VWA2: variants seen among roughly 807,000 people sequenced by gnomAD.
VWA2 encodes the protein von Willebrand factor A domain-containing protein 2.
In VWA2, 73 loss-of-function variants were observed where a neutral mutation model predicts 70.4. That is an observed-to-expected ratio of 1.04 (90% confidence interval 0.86 to 1.26). The LOEUF (loss-of-function observed/expected upper bound fraction) is 1.26, where lower values mean the gene tolerates loss of function less well. Among genes scored for constraint, VWA2 ranks in the 50% most tolerant of loss-of-function variants. VWA2 has a pLI of 0.00. For synonymous variants in VWA2, 407 were observed against 423.3 expected (o/e 0.96, Z 0.47); for missense variants, 1,011 against 998.5 (o/e 1.01, Z -0.17).
intron 1 of VWA2, among the ~76,000 whole-genome samples, chr10:114,243,588 C>T (rs1032237620): frequency 2.6e-5 from 4 of 151,250 alleles, no homozygotes; most frequent in Admixed American, 6.6e-5. Context: ...AGGCTGCCAA[C>T]GGCTAATCTA....
chr10:114,266,308 A>G (rs1310485294), intron 5 of VWA2, among the ~76,000 whole-genome samples: 1 of 152,136 alleles, frequency 6.6e-6, no homozygotes, highest in African/African-American at 2.4e-5. Flanking sequence ...AAGAAAAAAA[A>G]AAATTAAACT....
chr10:114,277,162 G>A lies in VWA2; in HGVS notation c.567-752G>A, dbSNP rs578079995. On this transcript the variant is annotated intron_variant, in intron 6 of 13. Transcript: ENST00000392982. Reference sequence around the variant, plus strand: ...GATTCTTCTAGATACATTACTGACTGCACGTCTTTTTTTTTTTTTTTTTTT... The same window carrying A: ...GATTCTTCTAGATACATTACTGACTACACGTCTTTTTTTTTTTTTTTTTTT... Among the ~76,000 whole-genome samples, 169 of 127,324 alleles carry A rather than the reference G, an allele frequency of 1.3e-3. 1 individual carries two copies. The highest frequency in any genetic ancestry group is 5.3e-3 in the African/African-American group (164 of 31,028). 83.5% of individuals were successfully genotyped at this position (127,324 alleles called of 152,430 possible).
Position 114,291,468 on chromosome 10 carries a change from T to C in VWA2, c.*231T>C. 3 of 537,120 alleles carry C rather than the reference T, an allele frequency of 5.6e-6. No homozygotes were observed. Among genetic ancestry groups the C allele is most frequent in the Non-Finnish European group, 9.7e-6 (3 of 310,536 alleles). 33.3% of individuals were successfully genotyped at this position (537,120 alleles called of 1,614,324 possible). ...AGCAGCTGATGTCACCCACAAACGA[T>C]GTTGTTGAAAAGTTTTGATGTGTAA... On this transcript the variant is annotated 3_prime_UTR_variant, in exon 14 of 14. Coordinates refer to ENST00000392982, the MANE Select transcript of VWA2 (RefSeq NM_001272046.2).
At chr10:114,250,139 C>T (rs1274174603) in intron 2 of VWA2, among the ~76,000 whole-genome samples, 1 of 152,220 alleles carries the variant, frequency 6.6e-6, no homozygotes, top group Non-Finnish European at 1.5e-5. Context: ...CTCTGTAGCA[C>T]TTAACACAGA....
chr10:114,243,176 A>C (rs1306685745), intron 1 of VWA2, among the ~76,000 whole-genome samples: 1 of 152,244 alleles, frequency 6.6e-6, no homozygotes, highest in Non-Finnish European at 1.5e-5. Flanking sequence ...GTGTCTGCAG[A>C]TGCAGAAAGT....
At chr10:114,276,449 A>G (rs533998015) in intron 6 of VWA2, among the ~76,000 whole-genome samples, 1 of 152,340 alleles carries the variant, frequency 6.6e-6, no homozygotes, top group Admixed American at 6.5e-5. Flanking sequence ...TGCCAAGGGC[A>G]GCGTGAAACT....
chr10:114,256,612 A>G (rs750960277), intron 4 of VWA2, among the ~76,000 whole-genome samples: 1 of 152,182 alleles, frequency 6.6e-6, no homozygotes, highest in Non-Finnish European at 1.5e-5. Flanking sequence ...TCAAAAGTCA[A>G]CTTAAAAATT....
intron 6 of VWA2, among the ~76,000 whole-genome samples, chr10:114,274,781 C>T (rs1002768815): frequency 2.6e-5 from 4 of 152,128 alleles, no homozygotes; most frequent in African/African-American, 9.7e-5. Context: ...AGGCGTGAGC[C>T]ACTGCGCCTG....
At chr10:114,281,879 T>C in intron 8 of VWA2, 1 of 341,784 alleles carries the variant, frequency 2.9e-6, no homozygotes, top group Non-Finnish European at 4.1e-6. Context: ...CAAAATCCAG[T>C]TGCCCAGTTC....
Position 114,284,983 on chromosome 10 carries a change from C to T in VWA2, c.997+13C>T, listed in dbSNP as rs745874970. The stretch of plus-strand genomic sequence containing the variant: ...GAGGCTAACTGTGGTAGGTATGCAC[C>T]GGCCCTGCAAGACTGACCACTGGGG... On this transcript the variant is annotated intron_variant, in intron 10 of 13. Coordinates refer to ENST00000392982, the MANE Select transcript of VWA2 (RefSeq NM_001272046.2). 95 of 1,575,074 alleles carry T rather than the reference C, an allele frequency of 6.0e-5. No homozygotes were observed. Among genetic ancestry groups the T allele is most frequent in the South Asian group, 3.4e-4 (29 of 85,214 alleles).
At chr10:114,242,406 C>T (rs926538255) in intron 1 of VWA2, among the ~76,000 whole-genome samples, 9 of 152,134 alleles carry the variant, frequency 5.9e-5, no homozygotes, top group African/African-American at 1.9e-4. Context: ...ATCTGTGTAC[C>T]GCATGCCTCA....
rs201050740 is a variant in VWA2 at position 114,255,220 on chromosome 10, C to G, written c.261+172C>G. 1.1e-4 allele frequency among the ~76,000 whole-genome samples: 16 copies of G among 151,678 alleles called. No individual in the cohort carries two copies. The East Asian group carries it at 3.1e-3, about 29-fold the overall frequency. On this transcript the variant is annotated intron_variant, in intron 4 of 13. Transcript: ENST00000392982. ...CAAGGGCTGAGTTGAGGCTATAAGG[C>G]ATCTTTTTCTTTTTTTTTTTTTCCC...
intron 8 of VWA2, among the ~76,000 whole-genome samples, chr10:114,279,356 T>G (rs1244475046): frequency 6.6e-6 from 1 of 152,030 alleles, no homozygotes; most frequent in Non-Finnish European, 1.5e-5. Flanking sequence ...CCCACACTGT[T>G]CCTGGGCACT....
At chr10:114,252,009 G>A (rs1427655516) in intron 2 of VWA2, among the ~76,000 whole-genome samples, 1 of 152,024 alleles carries the variant, frequency 6.6e-6, no homozygotes, top group African/African-American at 2.4e-5. Context: ...GTTTCACCCT[G>A]TTGGCCAGGC....
chr10:114,264,038 C>T (rs918231475), intron 5 of VWA2, among the ~76,000 whole-genome samples: 5 of 152,202 alleles, frequency 3.3e-5, no homozygotes, highest in African/African-American at 4.8e-5. Context: ...AAGTACAGCC[C>T]TCATCCATTG....
chr10:114,277,020 T>A (rs1163796685), intron 6 of VWA2, among the ~76,000 whole-genome samples: 1 of 152,088 alleles, frequency 6.6e-6, no homozygotes, highest in African/African-American at 2.4e-5. Context: ...GAGGAGAATC[T>A]GTTTTATGTG....
At position 114,272,883 on chromosome 10, in the gene VWA2, A is replaced by G. The variant is rs754544328; in HGVS notation, c.515A>G (p.Gln172Arg). The G allele has an allele frequency of 1.2e-6, 2 of 1,613,824 alleles. No individual in the cohort carries two copies. Among genetic ancestry groups the G allele is most frequent in the South Asian group, 2.2e-5 (2 of 90,986 alleles). ...GGGGATGTGGCACTGCCATCCAAGC[A>G]GCTGAAGGAAAGGGGTGTCACTGTG... ...SQGDVALPSK[Q>R]LKERGVTVFA... The change falls in exon 6 of 14, where the codon CAG (glutamine) becomes CGG (arginine). Residue 172 changes from glutamine to arginine, a missense_variant. Gln to Arg is a conservative substitution (Grantham distance 43). Coordinates refer to ENST00000392982, the MANE Select transcript of VWA2 (RefSeq NM_001272046.2).
intron 1 of VWA2, among the ~76,000 whole-genome samples, chr10:114,248,370 G>A (rs575838647): frequency 6.6e-5 from 10 of 152,318 alleles, no homozygotes; most frequent in African/African-American, 1.2e-4. Flanking sequence ...TGGCTAGTCA[G>A]GGCCCAGGCA....
chr10:114,255,011 TCA>T lies in VWA2; in HGVS notation c.227_228del (p.Thr76SerfsTer3). The T allele has an allele frequency of 6.2e-7, 1 of 1,612,944 alleles. No homozygotes were observed. On this transcript the variant is annotated frameshift_variant, in exon 4 of 14. Transcript: ENST00000392982. LOFTEE classifies it high-confidence loss of function. ...TTTGAAAGGTCCAAGCACTTTGCCA[TCA>T]CAGTCTGTGACGGTCTGGACATCAG...
Sources: gnomAD v4.1 joint callset for allele counts (sites outside exome capture counted in the v4.1 genomes callset) on GRCh38, gnomAD v4.1.1 for gene constraint, MANE v1.5 for transcripts, NCBI Gene and HGNC (gene_info 2026-07-23, HGNC 2026-07-21) for gene names.